Variants in MICAL2 observed in about 807,000 individuals in gnomAD.
The protein encoded by MICAL2 is [F-actin]-monooxygenase MICAL2.
A neutral mutation model predicts 127.3 loss-of-function variants in MICAL2; 77 were observed. That is an observed-to-expected ratio of 0.60 (90% confidence interval 0.50 to 0.73). The LOEUF (loss-of-function observed/expected upper bound fraction) is 0.73. Ranked by LOEUF, MICAL2 falls within the 30% of genes least tolerant of loss-of-function variation. MICAL2 has a pLI of 0.00. For synonymous variants in MICAL2, 570 were observed against 551.1 expected, an observed-to-expected ratio of 1.03 and a Z score of -0.48; for missense variants, 1,351 against 1,434.4, an observed-to-expected ratio of 0.94 and a Z score of 0.94.
downstream of MICAL2, among the ~76,000 whole-genome samples, chr11:12,289,473 G>C (rs1863867729): frequency 6.6e-6 from 1 of 152,066 alleles, no homozygotes; most frequent in Admixed American, 6.6e-5. Flanking sequence ...GCTTGAGTGC[G>C]TGAGAGGGTG....
At position 12,242,359 on chromosome 11, in the gene MICAL2, C is replaced by G. The variant is rs1166042941; in HGVS notation, c.2483C>G (p.Ser828Cys). The G allele has an allele frequency of 1.2e-6, 2 of 1,613,996 alleles. No homozygotes were observed. Among genetic ancestry groups the G allele is most frequent in the African/African-American group, 2.7e-5 (2 of 74,928 alleles). ...ACAGAAAATTTCGCTACCCTGCCTT[C>G]TACCCGCCCGAGGGCGCAGGCTCTT... ...GGTENFATLPSTRPRAQALSG... is the reference protein window; with the variant it reads ...GGTENFATLPCTRPRAQALSG... The change falls in exon 19 of 28, where the codon TCT becomes TGT. Residue 828 changes from serine (S) to cysteine (C), a missense_variant. Ser to Cys is a moderately radical substitution (Grantham distance 112). This residue lies in a region of MICAL2 where 752 missense variants were observed against 719.4 expected (regional missense o/e 1.05). Coordinates refer to ENST00000683283, the MANE Select transcript of MICAL2 (RefSeq NM_001282663.2).
At chr11:12,355,955 A>AT (rs11313148) in intron 34 of MICAL2, among the ~76,000 whole-genome samples, 1 of 151,690 alleles carries the variant, frequency 6.6e-6, no homozygotes, top group African/African-American at 2.4e-5. Flanking sequence ...CTGAGAGAGG[A>AT]TTTTTTTTTT....
intron 3 of MICAL2, among the ~76,000 whole-genome samples, chr11:12,170,187 C>T (rs1195244870): frequency 1.3e-5 from 2 of 152,168 alleles, no homozygotes; most frequent in African/African-American, 4.8e-5. Flanking sequence ...CCATTTCTCA[C>T]TCCTATAACC....
At chr11:12,354,730 A>T (rs776038666) in intron 33 of MICAL2, 2 of 1,514,148 alleles carry the variant, frequency 1.3e-6, no homozygotes, top group East Asian at 2.3e-5. Context: ...TTATTCATCA[A>T]TGTTTCCTCA....
chr11:12,338,120 T>C (rs1295941511), intron 32 of MICAL2, among the ~76,000 whole-genome samples: 7 of 152,224 alleles, frequency 4.6e-5, no homozygotes, highest in Non-Finnish European at 1.0e-4. Context: ...AGGACTTGCT[T>C]TATGAATCTG....
intron 6 of MICAL2, among the ~76,000 whole-genome samples, chr11:12,211,400 C>CA (rs780049887): frequency 5.7e-4 from 87 of 151,940 alleles, no homozygotes; most frequent in African/African-American, 1.7e-3. Context: ...CAAAACAAAA[C>CA]AAAAAAAACC....
chr11:12,207,907 TG>T lies in MICAL2; in HGVS notation c.473-115del, dbSNP rs1854938660. ...CATAATCCCGCTCAGTAATGATCATTGTTGGTATACTGCTGTGCTCAAAGGT... is the reference window on the plus strand; with the variant it reads ...CATAATCCCGCTCAGTAATGATCATTTTGGTATACTGCTGTGCTCAAAGGT... On this transcript the variant is annotated intron_variant, in intron 4 of 27. Transcript: ENST00000683283. 3.9e-6 allele frequency: 3 copies of T among 774,806 alleles called. No individual in the cohort carries two copies. In the East Asian group the frequency reaches 7.4e-5, roughly 19 times the overall value. The allele number at this position is 774,806 out of a possible 1,614,324, so 48.0% of individuals were successfully genotyped here. A position where few individuals can be genotyped will look rare whatever the true frequency, so the allele number is the denominator to read the frequency against.
At chr11:12,306,936 G>T (rs940078270) in intron 29 of MICAL2, among the ~76,000 whole-genome samples, 2 of 152,242 alleles carry the variant, frequency 1.3e-5, no homozygotes, top group African/African-American at 4.8e-5. Context: ...ACAGGTCTCT[G>T]TGTAGAGACA....
At chr11:12,258,444 G>T (rs11022265) in intron 24 of MICAL2, 24 bp from the exon 25 acceptor site, 2 of 1,599,958 alleles carry the variant, frequency 1.3e-6, no homozygotes, top group East Asian at 4.5e-5. Flanking sequence ...AAATTTTTCT[G>T]TATGTGTGTG....
At chr11:12,201,728 C>T (rs912809534) in intron 3 of MICAL2, among the ~76,000 whole-genome samples, 1 of 152,166 alleles carries the variant, frequency 6.6e-6, no homozygotes, top group Non-Finnish European at 1.5e-5. Flanking sequence ...CATTGAGGAC[C>T]GAGCGTGGGA....
chr11:12,216,408 A>C (rs2134226106), intron 8 of MICAL2, 89 bp downstream of exon 8: 1 of 1,015,786 alleles, frequency 9.8e-7, no homozygotes. Flanking sequence ...CCTGCCAGAA[A>C]CTGAGCGAGG....
chr11:12,361,452 G>A (rs1340579516), downstream of MICAL2, among the ~76,000 whole-genome samples: 1 of 152,130 alleles, frequency 6.6e-6, no homozygotes, highest in East Asian at 1.9e-4. Flanking sequence ...TTTATTATAA[G>A]CATCAACCTA....
chr11:12,219,521 T>C (rs1856564700), intron 8 of MICAL2, among the ~76,000 whole-genome samples: 1 of 77,654 alleles, frequency 1.3e-5, no homozygotes. Context: ...AGAGCGAAAC[T>C]CCATCTCAAA....
chr11:12,287,389 C>G (rs973039563), downstream of MICAL2: 1 of 355,566 alleles, frequency 2.8e-6, no homozygotes, highest in Non-Finnish European at 5.0e-6. Flanking sequence ...CCACCCCACC[C>G]CTGGCTCAGG....
At chr11:12,151,365 T>C (rs1260714992) in intron 2 of MICAL2, among the ~76,000 whole-genome samples, 2 of 152,018 alleles carry the variant, frequency 1.3e-5, no homozygotes, top group African/African-American at 4.8e-5. Context: ...CCTGCAACAG[T>C]CGGGTAAGAG....
At chr11:12,337,308 G>A (rs1447800841) in intron 32 of MICAL2, among the ~76,000 whole-genome samples, 4 of 152,164 alleles carry the variant, frequency 2.6e-5, no homozygotes, top group Admixed American at 6.5e-5. Context: ...TATCCCCTTT[G>A]TCATTTTTTA....
intron 3 of MICAL2, among the ~76,000 whole-genome samples, chr11:12,173,181 C>T (rs1360365450): frequency 1.3e-5 from 2 of 152,178 alleles, no homozygotes; most frequent in Non-Finnish European, 2.9e-5. Context: ...TGCAACCTGG[C>T]GTATTCTACA....
At chr11:12,221,549 G>A in intron 9 of MICAL2, 95 bp from the exon 10 acceptor site, 3 of 862,956 alleles carry the variant, frequency 3.5e-6, no homozygotes, top group South Asian at 1.6e-5. Flanking sequence ...CCAGTGCCCT[G>A]CACAGTCCTG....
intron 5 of MICAL2, 62 bp from the exon 6 acceptor site, chr11:12,209,435 G>C: frequency 7.8e-7 from 1 of 1,290,080 alleles, no homozygotes; most frequent in Non-Finnish European, 1.1e-6. Context: ...ACCACACGGG[G>C]GGTATAATCA....
Sources: gnomAD v4.1 joint callset for allele counts (sites outside exome capture counted in the v4.1 genomes callset) on GRCh38, gnomAD v4.1.1 for gene constraint, gnomAD v4.1.1 regional missense constraint, MANE v1.5 for transcripts, NCBI Gene and HGNC (gene_info 2026-07-23, HGNC 2026-07-21) for gene names.